The following TAFA2 variants were observed in gnomAD, a reference collection of about 807,000 sequenced individuals.
TAFA2 encodes TAFA chemokine like family member 2, also known as chemokine-like protein TAFA-2.
A neutral mutation model predicts 18.8 loss-of-function variants in TAFA2; 7 were observed. The ratio of observed to expected loss-of-function variants is 0.37; its 90% CI spans 0.21 to 0.70. The LOEUF (loss-of-function observed/expected upper bound fraction) is 0.70. Ranked by LOEUF, TAFA2 falls within the 30% of genes least tolerant of loss-of-function variation. The probability of loss-of-function intolerance (pLI) is 0.53; values close to 1 mark genes in which losing one functional copy is unlikely to be tolerated. For missense variants in TAFA2, 122 were observed against 158.1 expected, an observed-to-expected ratio of 0.77 and a Z score of 1.23; for synonymous variants, 60 against 54.2, an observed-to-expected ratio of 1.11 and a Z score of -0.47.
chr12:61,748,455 T>C (rs1868841131), intron 4 of TAFA2, among the ~76,000 whole-genome samples: 1 of 152,134 alleles, frequency 6.6e-6, no homozygotes, highest in Non-Finnish European at 1.5e-5. Flanking sequence ...AACCTGTACT[T>C]AAATTTGCAA....
intron 1 of TAFA2, chr12:62,252,925 A>G (rs1280005294): frequency 6.6e-6 from 1 of 152,340 alleles, no homozygotes; most frequent in African/African-American, 2.4e-5. Context: ...CATACCTGAA[A>G]TATGTGTCAA....
intron 1 of TAFA2, among the ~76,000 whole-genome samples, chr12:62,253,936 T>C (rs567054399): frequency 1.9e-4 from 29 of 152,352 alleles, no homozygotes; most frequent in African/African-American, 5.8e-4. Context: ...TTACAGAACA[T>C]TCACAAGCAT....
Position 62,103,540 on chromosome 12 carries a change from G to A in TAFA2, c.-2+87719C>T, listed in dbSNP as rs191332247. Among the ~76,000 whole-genome samples the A allele has an allele frequency of 1.1e-3, 164 of 152,208 alleles. 1 individual carries two copies. Among genetic ancestry groups the A allele is most frequent in the African/African-American group, 3.9e-3 (160 of 41,546 alleles). ...ATGGATCACCTGAGGTCAGGAGTTC[G>A]AGACCAGCCTGACCAACATGGAGAA... On this transcript the variant is annotated intron_variant, in intron 1 of 4. Coordinates refer to ENST00000416284, the MANE Select transcript of TAFA2 (RefSeq NM_178539.5).
intron 1 of TAFA2, among the ~76,000 whole-genome samples, chr12:62,047,604 C>G (rs1881943283): frequency 6.6e-6 from 1 of 152,014 alleles, no homozygotes; most frequent in Non-Finnish European, 1.5e-5. Flanking sequence ...CTTATTTATC[C>G]AAAGTGTTAG....
At position 61,986,533 on chromosome 12, in the gene TAFA2, A is replaced by G. The variant is rs1329475994; in HGVS notation, c.-1-119107T>C. ...AGGCTGGTCTCAAACTCCTGGCCTC[A>G]AGTAATCCACTCATCTCGGCCTCCC... On this transcript the variant is annotated intron_variant, in intron 1 of 4. Transcript: ENST00000416284. Among the ~76,000 whole-genome samples the G allele has an allele frequency of 1.3e-5, 2 of 151,948 alleles. 1 individual carries two copies. Among genetic ancestry groups the G allele is most frequent in the South Asian group, 4.2e-4 (2 of 4,814 alleles).
At chr12:61,996,710 C>T (rs892335274) in intron 1 of TAFA2, among the ~76,000 whole-genome samples, 3 of 152,174 alleles carry the variant, frequency 2.0e-5, no homozygotes, top group Non-Finnish European at 2.9e-5. Flanking sequence ...AAGCACTCCA[C>T]TTATGTACCC....
At chr12:61,763,306 A>G (rs188737917) in intron 2 of TAFA2, among the ~76,000 whole-genome samples, 2 of 152,052 alleles carry the variant, frequency 1.3e-5, no homozygotes, top group Admixed American at 1.3e-4. Context: ...TAAAGAAAGG[A>G]TAATATCCAT....
chr12:62,205,365 T>G (rs957855392), intron 1 of TAFA2, among the ~76,000 whole-genome samples: 2 of 151,826 alleles, frequency 1.3e-5, no homozygotes, highest in African/African-American at 2.4e-5. Flanking sequence ...GCAGAGGGGG[T>G]GCACTGCACA....
chr12:61,741,054 C>T (rs1204599946), intron 4 of TAFA2, among the ~76,000 whole-genome samples: 3 of 151,974 alleles, frequency 2.0e-5, no homozygotes, highest in Non-Finnish European at 4.4e-5. Context: ...AACTGAATGG[C>T]TGATTTTGCT....
chr12:62,228,397 T>A (rs1216183505), intron 1 of TAFA2, among the ~76,000 whole-genome samples: 1 of 152,218 alleles, frequency 6.6e-6, no homozygotes, highest in African/African-American at 2.4e-5. Context: ...TGTGGGTATA[T>A]ACCTAGTAAT....
chr12:61,946,305 T>C (rs1032847230), intron 1 of TAFA2, among the ~76,000 whole-genome samples: 1 of 150,192 alleles, frequency 6.7e-6, no homozygotes, highest in African/African-American at 2.5e-5. Context: ...TAAAAATCAA[T>C]TCAAGATGGA....
At chr12:62,166,380 G>C (rs1018357483) in intron 1 of TAFA2, among the ~76,000 whole-genome samples, 3 of 152,110 alleles carry the variant, frequency 2.0e-5, no homozygotes, top group African/African-American at 7.2e-5. Context: ...TTTAGCCTTT[G>C]ATCCAACAAT....
intron 1 of TAFA2, among the ~76,000 whole-genome samples, chr12:61,983,260 G>T (rs991388713): frequency 6.6e-6 from 1 of 152,018 alleles, no homozygotes; most frequent in African/African-American, 2.4e-5. Flanking sequence ...ATATCCTTGG[G>T]CAAAAACAGC....
intron 1 of TAFA2, among the ~76,000 whole-genome samples, chr12:62,224,492 A>G (rs1410628754): frequency 6.6e-6 from 1 of 151,974 alleles, no homozygotes; most frequent in Non-Finnish European, 1.5e-5. Context: ...GAGGTCTCTT[A>G]ATAGGGGCAC....
chr12:62,121,060 G>A (rs1331370776), intron 1 of TAFA2, among the ~76,000 whole-genome samples: 2 of 151,868 alleles, frequency 1.3e-5, no homozygotes, highest in Non-Finnish European at 2.9e-5. Context: ...CTCCATGTTG[G>A]TCAGGCTGGT....
At chr12:62,006,268 T>G (rs1271168323) in intron 1 of TAFA2, among the ~76,000 whole-genome samples, 4 of 152,170 alleles carry the variant, frequency 2.6e-5, no homozygotes, top group Non-Finnish European at 5.9e-5. Context: ...AACCTTCCTA[T>G]TTCATCACTG....
chr12:62,190,575 C>T (rs1301365266), intron 1 of TAFA2, among the ~76,000 whole-genome samples: 1 of 152,202 alleles, frequency 6.6e-6, no homozygotes, highest in Non-Finnish European at 1.5e-5. Flanking sequence ...GAATCATTTA[C>T]TAAAGCTCTC....
At chr12:62,060,090 A>G (rs1409466069) in intron 1 of TAFA2, among the ~76,000 whole-genome samples, 1 of 152,174 alleles carries the variant, frequency 6.6e-6, no homozygotes, top group Non-Finnish European at 1.5e-5. Flanking sequence ...TTTCTTGCAC[A>G]ATGGATTTTT....
At chr12:62,124,302 A>T (rs952464089) in intron 1 of TAFA2, among the ~76,000 whole-genome samples, 1 of 87,878 alleles carries the variant, frequency 1.1e-5, no homozygotes, top group African/African-American at 3.5e-5. Context: ...TGAGGAAGTT[A>T]AAAAAAAAAG....
Sources: allele counts gnomAD v4.1 joint callset (sites outside exome capture counted in the v4.1 genomes callset), GRCh38; gene constraint gnomAD v4.1.1; transcripts MANE v1.5; gene names NCBI Gene and HGNC (gene_info 2026-07-23, HGNC 2026-07-21).